KCTD14: variants seen among roughly 807,000 people sequenced by gnomAD.
The protein encoded by KCTD14 is BTB/POZ domain-containing protein KCTD14.
A neutral mutation model predicts 5.9 loss-of-function variants in KCTD14; 7 were observed. That is an observed-to-expected ratio of 1.19 (90% CI 0.68 to 2.23). KCTD14 has a LOEUF of 2.23. Ranked by LOEUF, KCTD14 falls within the 30% of genes most tolerant of loss-of-function variation. The pLI is 0.00. For synonymous variants in KCTD14, 140 were observed against 133.1 expected (o/e 1.05, Z -0.36); for missense variants, 342 against 332.2 (o/e 1.03, Z -0.23).
intron 1 of KCTD14, chr11:78,038,796 G>A: frequency 6.5e-7 from 1 of 1,533,994 alleles, no homozygotes; most frequent in Non-Finnish European, 8.7e-7. Flanking sequence ...GACTATCAGT[G>A]TTCACAAAGG....
chr11:78,028,707 G>A (rs569683245), intron 2 of KCTD14, among the ~76,000 whole-genome samples: 4 of 151,840 alleles, frequency 2.6e-5, no homozygotes, highest in Admixed American at 1.3e-4. Context: ...TTGAAAGACC[G>A]AGATCAGCAG....
rs778501163 is a variant in KCTD14 at position 78,016,740 on chromosome 11, G to A, written c.621C>T (p.Val207=). 9 of 1,614,044 alleles carry A rather than the reference G, an allele frequency of 5.6e-6. No homozygotes were observed. The South Asian group carries it at 9.9e-5, about 18-fold the overall frequency. Reference sequence around the variant, plus strand: ...AGTGCATGAGGTCGCTGTTGTCTAGGACCGCCTTCCAGGGCCCAAACTTGA... The same window carrying A: ...AGTGCATGAGGTCGCTGTTGTCTAGAACCGCCTTCCAGGGCCCAAACTTGA... The part of the protein sequence containing the change: ...SVVKFGPWKA[V]LDNSDLMHCL... Residue 207 remains valine, a synonymous_variant, in exon 2 of 2, where the codon GTC becomes GTT. Transcript: ENST00000353172.
upstream of KCTD14, among the ~76,000 whole-genome samples, chr11:78,024,674 G>A (rs1857403615): frequency 6.6e-6 from 1 of 151,838 alleles, no homozygotes; most frequent in Non-Finnish European, 1.5e-5. Flanking sequence ...GGTTGGACAC[G>A]GTTGCTCACG....
intron 1 of KCTD14, among the ~76,000 whole-genome samples, chr11:78,019,720 T>C (rs1487135285): frequency 6.6e-6 from 1 of 152,180 alleles, no homozygotes; most frequent in Non-Finnish European, 1.5e-5. Flanking sequence ...ACTCTACATA[T>C]TGTGGGTGTA....
chr11:78,026,210 G>A (rs1057508270), upstream of KCTD14, among the ~76,000 whole-genome samples: 5 of 152,166 alleles, frequency 3.3e-5, no homozygotes, highest in Admixed American at 2.0e-4. Flanking sequence ...GCCAAGGCAA[G>A]TGGATCATTT....
At chr11:78,037,843 C>A (rs993721616) in intron 2 of KCTD14, among the ~76,000 whole-genome samples, 1 of 151,974 alleles carries the variant, frequency 6.6e-6, no homozygotes, top group Non-Finnish European at 1.5e-5. Flanking sequence ...TAAAAAAAAT[C>A]ATTGCCTCCC....
intron 2 of KCTD14, among the ~76,000 whole-genome samples, chr11:78,028,341 G>A (rs11237365): frequency 0.82 from 124,263 of 152,162 alleles, 50,925 homozygotes; most frequent in African/African-American, 0.84. Context: ...GCAGTGGCTC[G>A]CGCCTGTAAT....
chr11:78,023,139 C>A, intron 1 of KCTD14, 21 bp downstream of exon 1: 1 of 1,481,492 alleles, frequency 6.7e-7, no homozygotes, highest in Non-Finnish European at 9.2e-7. Context: ...GGCGCGGGGA[C>A]GCAGCTAGCC....
At position 78,036,583 on chromosome 11, in the gene KCTD14, C is replaced by T. The variant is rs543064070; in HGVS notation, c.-1+2081G>A. 5.9e-5 allele frequency among the ~76,000 whole-genome samples: 9 copies of T among 152,340 alleles called. No homozygotes were observed. In the East Asian group the frequency reaches 9.6e-4, roughly 16 times the overall value. On this transcript the variant is annotated intron_variant, in intron 2 of 2. Coordinates refer to the KCTD14 transcript ENST00000533144. ...AAGCCTGTGTTCTTTAGCCTCCTCC[C>T]GGCACTGCTTTCCCAAATGCCTGGC...
intron 1 of KCTD14, among the ~76,000 whole-genome samples, chr11:78,040,061 C>T (rs1383508004): frequency 1.3e-5 from 2 of 152,194 alleles, no homozygotes; most frequent in Non-Finnish European, 2.9e-5. Context: ...CATCCAGGCA[C>T]ACAGAGTGTG....
chr11:78,016,837 G>C lies in KCTD14; in HGVS notation c.524C>G (p.Thr175Ser), dbSNP rs778376569. The C allele has an allele frequency of 1.2e-6, 2 of 1,614,070 alleles. No individual in the cohort carries two copies. Among genetic ancestry groups the C allele is most frequent in the East Asian group, 4.5e-5 (2 of 44,896 alleles). ...KSSVLVCLVE[T>S]EEQDAYYSEV... Reference sequence around the variant, plus strand: ...TGAATAATATGCATCCTGCTCCTCAGTTTCCACCAGGCACACAAGCACGCT... The same window carrying C: ...TGAATAATATGCATCCTGCTCCTCACTTTCCACCAGGCACACAAGCACGCT... Residue 175 changes from threonine (T) to serine (S), a missense_variant, in exon 2 of 2, where the codon ACT becomes AGT. Physicochemically the swap from Thr to Ser is moderately conservative, Grantham distance 58 (BLOSUM62 1). Transcript: ENST00000353172.
chr11:78,039,257 C>T (rs1857919763), intron 1 of KCTD14, among the ~76,000 whole-genome samples: 2 of 151,950 alleles, frequency 1.3e-5, no homozygotes, highest in South Asian at 4.1e-4. Context: ...CAGTTCATGC[C>T]TGTAATCCCA....
At position 78,034,234 on chromosome 11, in the gene KCTD14, G is replaced by A. The variant is rs143551486; in HGVS notation, c.-1+4430C>T. Among the ~76,000 whole-genome samples, 234 of 152,018 alleles carry A rather than the reference G, an allele frequency of 1.5e-3. 3 individuals carry two copies. The East Asian group carries it at 0.039, about 26-fold the overall frequency. On this transcript the variant is annotated intron_variant, in intron 2 of 2. Transcript: ENST00000533144. The stretch of plus-strand genomic sequence containing the variant: ...ACCTCCTGGACTCGAGAGATCCCCC[G>A]ACCTCAGCCTCCTGAGTAGCTGGAA...
chr11:78,027,240 G>A (rs979214895), upstream of KCTD14, among the ~76,000 whole-genome samples: 1 of 152,078 alleles, frequency 6.6e-6, no homozygotes, highest in African/African-American at 2.4e-5. Context: ...CAGATTCAAC[G>A]ATTTTCTGAT....
chr11:78,024,929 G>A (rs1857408974), upstream of KCTD14, among the ~76,000 whole-genome samples: 1 of 151,418 alleles, frequency 6.6e-6, no homozygotes, highest in Admixed American at 6.6e-5. Flanking sequence ...TGGGCAACAA[G>A]AGTGTAATCC....
In KCTD14 at chr11:78,016,733, T is replaced by C. The variant is rs1857174417; in HGVS notation, c.628A>G (p.Asn210Asp). The change falls in exon 2 of 2, where the codon AAC (asparagine) becomes GAC (aspartate). Residue 210 changes from asparagine (N) to aspartate (D), a missense_variant. Asn to Asp is a conservative substitution (Grantham distance 23). Transcript: ENST00000353172. ...TCCAGGCAGTGCATGAGGTCGCTGT[T>C]GTCTAGGACCGCCTTCCAGGGCCCA... is the stretch of plus-strand genomic sequence containing the variant. ...KFGPWKAVLD[N>D]SDLMHCLEMD... 6.2e-7 allele frequency: 1 copy of C among 1,614,202 alleles called. No homozygotes were observed. The highest frequency in any genetic ancestry group is 8.5e-7 in the Non-Finnish European group (1 of 1,180,022).
At chr11:78,032,642 A>ACTCCCAGCCTTGCCCTC (rs1311899494) in intron 2 of KCTD14, among the ~76,000 whole-genome samples, 6 of 149,722 alleles carry the variant, frequency 4.0e-5, no homozygotes, top group African/African-American at 1.5e-4. Flanking sequence ...GTACTGCCCT[A>ACTCCCAGCCTTGCCCTC]CTCCCAGCCT....
rs1857167644 is a variant in KCTD14 at position 78,016,528 on chromosome 11, C to A, written c.*65G>T. 7.0e-7 allele frequency: 1 copy of A among 1,423,392 alleles called. No homozygotes were observed. The highest frequency in any genetic ancestry group is 9.6e-7 in the Non-Finnish European group (1 of 1,040,334). The allele number at this position is 1,423,392 out of a possible 1,614,324, so 88.2% of individuals were successfully genotyped here. ...TGTTTGTGAAATTAAAAGAAAATGG[C>A]TTTGATGGCAACTTTTAATTTCATA... On this transcript the variant is annotated 3_prime_UTR_variant, in exon 2 of 2. Coordinates refer to ENST00000353172, the MANE Select transcript of KCTD14 (RefSeq NM_023930.4).
chr11:78,018,142 G>A (rs541180523), intron 1 of KCTD14, among the ~76,000 whole-genome samples: 26 of 152,132 alleles, frequency 1.7e-4, no homozygotes, highest in Non-Finnish European at 2.5e-4. Context: ...AGAACGTTAT[G>A]GGAAGAGGCT....
Sources: gnomAD v4.1 joint callset for allele counts (sites outside exome capture counted in the v4.1 genomes callset) on GRCh38, gnomAD v4.1.1 for gene constraint, MANE v1.5 for transcripts, NCBI Gene and HGNC (gene_info 2026-07-23, HGNC 2026-07-21) for gene names.